Variants in ADAM9 observed in about 807,000 individuals in gnomAD.
The protein encoded by ADAM9 is disintegrin and metalloproteinase domain-containing protein 9.
In ADAM9, 54 loss-of-function variants were observed where a neutral mutation model predicts 108.1. The ratio of observed to expected loss-of-function variants is 0.50; its 90% CI spans 0.40 to 0.63. The LOEUF is 0.63. ADAM9 is among the 20% of genes least tolerant of loss of function. The pLI is 0.00. For missense variants in ADAM9, 830 were observed against 997.7 expected (o/e 0.83, Z 2.26); for synonymous variants, 316 against 336.0 (o/e 0.94, Z 0.65).
At chr8:39,042,207 A>G in intron 12 of ADAM9, 90 bp downstream of exon 12, 1 of 1,438,094 alleles carries the variant, frequency 7.0e-7, no homozygotes, top group Admixed American at 1.7e-5. Flanking sequence ...CTGACATAGG[A>G]GCTAAAGTAA....
At chr8:39,012,895 T>C (rs1836402721) in intron 3 of ADAM9, among the ~76,000 whole-genome samples, 1 of 152,116 alleles carries the variant, frequency 6.6e-6, no homozygotes, top group Non-Finnish European at 1.5e-5. Context: ...TGTATACATA[T>C]GTAACAAACC....
intron 1 of ADAM9, among the ~76,000 whole-genome samples, chr8:39,004,434 T>C (rs202180698): frequency 6.6e-6 from 1 of 152,144 alleles, no homozygotes; most frequent in Non-Finnish European, 1.5e-5. Context: ...AGGCTGGTCT[T>C]GAGCTCTTGG....
intron 20 of ADAM9, among the ~76,000 whole-genome samples, chr8:39,093,084 C>T (rs571860350): frequency 6.6e-6 from 1 of 152,066 alleles, no homozygotes; most frequent in Non-Finnish European, 1.5e-5. Context: ...TTTAGTGATT[C>T]TGGGTCTTTT....
chr8:39,050,787 A>G (rs896293096), intron 12 of ADAM9, among the ~76,000 whole-genome samples: 38 of 149,074 alleles, frequency 2.5e-4, no homozygotes, highest in Non-Finnish European at 5.5e-4. Context: ...AACATGTGAC[A>G]TGTGGTCCAA....
intron 14 of ADAM9, among the ~76,000 whole-genome samples, chr8:39,067,515 T>C (rs1474057345): frequency 3.3e-5 from 5 of 152,230 alleles, no homozygotes; most frequent in Non-Finnish European, 5.9e-5. Flanking sequence ...TTTTTAGCAA[T>C]TGTGAATGGG....
At chr8:39,026,921 T>G (rs1489184695) in intron 11 of ADAM9, 111 bp downstream of exon 11, 4 of 1,448,558 alleles carry the variant, frequency 2.8e-6, no homozygotes, top group Non-Finnish European at 3.8e-6. Flanking sequence ...TTATTTCCGG[T>G]TTGCTGAAAT....
At chr8:39,034,738 G>T (rs557788878) in intron 11 of ADAM9, among the ~76,000 whole-genome samples, 2 of 151,802 alleles carry the variant, frequency 1.3e-5, no homozygotes, top group African/African-American at 4.8e-5. Flanking sequence ...ATGTCAAGGT[G>T]TCAGACCATT....
chr8:39,102,587 A>T (rs189272027), intron 21 of ADAM9, among the ~76,000 whole-genome samples: 1 of 152,334 alleles, frequency 6.6e-6, no homozygotes, highest in African/African-American at 2.4e-5. Flanking sequence ...ACAATTTCTT[A>T]TGTTTTGCTC....
At chr8:39,060,389 C>T (rs1011479940) in intron 14 of ADAM9, among the ~76,000 whole-genome samples, 1 of 152,178 alleles carries the variant, frequency 6.6e-6, no homozygotes, top group African/African-American at 2.4e-5. Flanking sequence ...TCTCTTTGTT[C>T]TGGGCCCAGC....
At chr8:39,044,917 T>TTTATATATGTGTGTGCACACATACATAG in intron 12 of ADAM9, among the ~76,000 whole-genome samples, 1 of 151,368 alleles carries the variant, frequency 6.6e-6, no homozygotes, top group Non-Finnish European at 1.5e-5. Flanking sequence ...TACATATGTA[T>TTTATATATGTGTGTGCACACATACATAG]GTATATATGT....
intron 14 of ADAM9, among the ~76,000 whole-genome samples, chr8:39,059,888 A>T (rs1838243772): frequency 6.6e-6 from 1 of 152,214 alleles, no homozygotes; most frequent in Non-Finnish European, 1.5e-5. Context: ...GTTGCTGGCT[A>T]GGAGAGAAAA....
intron 7 of ADAM9, among the ~76,000 whole-genome samples, chr8:39,021,180 C>T (rs1381482796): frequency 6.6e-6 from 1 of 152,176 alleles, no homozygotes; most frequent in South Asian, 2.1e-4. Context: ...TACAATGTAA[C>T]CTTTAAATTT....
chr8:39,050,853 T>C (rs1837936951), intron 12 of ADAM9, among the ~76,000 whole-genome samples: 1 of 150,610 alleles, frequency 6.6e-6, no homozygotes, highest in African/African-American at 2.4e-5. Context: ...TTTTTTTTTT[T>C]TTAATCACTA....
chr8:39,080,951 T>G (rs1012289929), intron 16 of ADAM9, among the ~76,000 whole-genome samples: 17 of 147,902 alleles, frequency 1.1e-4, no homozygotes, highest in African/African-American at 4.2e-4. Context: ...TGTGAGAGTT[T>G]TTTTTTTTTT....
chr8:39,068,143 C>A (rs1171764160), intron 14 of ADAM9, among the ~76,000 whole-genome samples: 2 of 152,134 alleles, frequency 1.3e-5, no homozygotes, highest in Admixed American at 1.3e-4. Context: ...CCATCTTTCA[C>A]ATTAGCCATG....
At chr8:38,999,889 T>A (rs1835942533) in intron 1 of ADAM9, among the ~76,000 whole-genome samples, 1 of 152,240 alleles carries the variant, frequency 6.6e-6, no homozygotes, top group African/African-American at 2.4e-5. Context: ...ACATATGACA[T>A]AGCCTCATAT....
chr8:39,000,884 C>T (rs999028629), intron 1 of ADAM9, among the ~76,000 whole-genome samples: 1 of 152,142 alleles, frequency 6.6e-6, no homozygotes, highest in Non-Finnish European at 1.5e-5. Context: ...TATTGTGTTA[C>T]TAAACCTTAC....
chr8:39,029,550 A>G (rs1837035250), intron 11 of ADAM9, among the ~76,000 whole-genome samples: 1 of 152,146 alleles, frequency 6.6e-6, no homozygotes, highest in Non-Finnish European at 1.5e-5. Context: ...TATTATATTG[A>G]AGTGATTTCC....
In ADAM9 at chr8:39,026,884, A is replaced by G. The variant is rs977809060; in HGVS notation, c.1130+74A>G. 7.0e-6 allele frequency: 11 copies of G among 1,573,882 alleles called. No homozygotes were observed. In the African/African-American group the frequency reaches 1.2e-4, roughly 17 times the overall value. ...GTTTCTTACACTGTGAGGGATATTCATGTCTACATTGGGAAAACAGGAAAT... is the reference window on the plus strand; with the variant it reads ...GTTTCTTACACTGTGAGGGATATTCGTGTCTACATTGGGAAAACAGGAAAT... On this transcript the variant is annotated intron_variant, in intron 11 of 21. Coordinates refer to ENST00000487273, the MANE Select transcript of ADAM9 (RefSeq NM_003816.3).
Sources: gnomAD v4.1 joint callset for allele counts (sites outside exome capture counted in the v4.1 genomes callset) on GRCh38, gnomAD v4.1.1 for gene constraint, MANE v1.5 for transcripts, NCBI Gene and HGNC (gene_info 2026-07-23, HGNC 2026-07-21) for gene names.